Variants in USP20 observed in about 807,000 individuals in gnomAD.
The protein encoded by USP20 is ubiquitin specific peptidase 20, also known as ubiquitin carboxyl-terminal hydrolase 20.
In USP20, 80 loss-of-function variants were observed where a neutral mutation model predicts 124.2. The ratio of observed to expected loss-of-function variants is 0.64; its 90% CI spans 0.54 to 0.78. The LOEUF (loss-of-function observed/expected upper bound fraction) is 0.78. USP20 is among the 30% of genes least tolerant of loss of function. USP20 has a pLI of 0.00. For missense variants in USP20, 1,043 were observed against 1,244.4 expected, an observed-to-expected ratio of 0.84 and a Z score of 2.44; for synonymous variants, 481 against 512.3, an observed-to-expected ratio of 0.94 and a Z score of 0.83.
chr9:129,868,846 C>T lies in USP20; in HGVS notation c.1136-16C>T. 1.9e-6 allele frequency: 3 copies of T among 1,539,138 alleles called. No homozygotes were observed. Among genetic ancestry groups the T allele is most frequent in the South Asian group, 1.2e-5 (1 of 81,140 alleles). ...CTGGCTGCCCTGGCCCAGCATGGTACCCTCTCTGCCCCCAGAGCCGGACAA... is the reference window on the plus strand; with the variant it reads ...CTGGCTGCCCTGGCCCAGCATGGTATCCTCTCTGCCCCCAGAGCCGGACAA... On this transcript the variant is annotated splice_polypyrimidine_tract_variant and intron_variant, in intron 11 of 25. Coordinates refer to ENST00000372429, the MANE Select transcript of USP20 (RefSeq NM_001110303.4).
Position 129,876,123 on chromosome 9 carries a change from G to A in USP20, c.2301-7G>A, listed in dbSNP as rs974239960. The A allele has an allele frequency of 6.2e-7, 1 of 1,611,440 alleles. No individual in the cohort carries two copies. Among genetic ancestry groups the A allele is most frequent in the Non-Finnish European group, 8.5e-7 (1 of 1,179,026 alleles). ...GGCCGTGTCTCTCTCTCCCACCCTG[G>A]GCACAGATTCGGGGGTGGCCCCGCC... On this transcript the variant is annotated splice_region_variant and splice_polypyrimidine_tract_variant and intron_variant, in intron 21 of 25. Coordinates refer to ENST00000372429, the MANE Select transcript of USP20 (RefSeq NM_001110303.4).
At chr9:129,873,560 G>A in intron 16 of USP20, 45 bp downstream of exon 16, 2 of 1,613,994 alleles carry the variant, frequency 1.2e-6, no homozygotes, top group Non-Finnish European at 1.7e-6. Context: ...CCGTTTCTGT[G>A]CCCTACATAT....
intron 19 of USP20, 149 bp from the exon 20 acceptor site, chr9:129,875,160 AG>A: frequency 1.6e-6 from 2 of 1,227,952 alleles, no homozygotes; most frequent in Non-Finnish European, 2.2e-6. Context: ...CTGGCGGCAC[AG>A]GGGGCTGCTC....
rs980920068 is a variant in USP20 at position 129,879,052 on chromosome 9, G to A, written c.2513-521G>A. On this transcript the variant is annotated intron_variant, in intron 23 of 25. Coordinates refer to ENST00000372429, the MANE Select transcript of USP20 (RefSeq NM_001110303.4). The surrounding 1 kb of genome is among the most constrained non-coding windows in gnomAD (Gnocchi z 4.2). ...AGGCCTCATTGCCATCCCGCTAGTC[G>A]GGGAAGGTGCCAGGGCCACCGTGAG... is the stretch of plus-strand genomic sequence containing the variant. Among the ~76,000 whole-genome samples, 1 of 152,318 alleles carries A rather than the reference G, an allele frequency of 6.6e-6. No individual in the cohort carries two copies. The highest frequency in any genetic ancestry group is 2.4e-5 in the African/African-American group (1 of 41,580).
chr9:129,879,665 G>C lies in USP20; in HGVS notation c.2584+21G>C, dbSNP rs1425600457. 6.2e-7 allele frequency: 1 copy of C among 1,613,488 alleles called. No homozygotes were observed. Among genetic ancestry groups the C allele is most frequent in the African/African-American group, 1.3e-5 (1 of 74,918 alleles). ...GCAGGGTGAGTTCCCCCTGGGGTCA[G>C]CCAGGCTCCTCTCTGCCCTTCCTGG... On this transcript the variant is annotated intron_variant, in intron 24 of 25. Transcript: ENST00000372429. This position sits in a 1 kb window ranked among gnomAD's most constrained non-coding sequence, Gnocchi z 4.2.
At position 129,868,432 on chromosome 9, in the gene USP20, G is replaced by C. The variant is rs2131083658; in HGVS notation, c.1118G>C (p.Ser373Thr). The change falls in exon 11 of 26, where the codon AGC (serine) becomes ACC (threonine). Residue 373 changes from serine to threonine, a missense_variant. Ser to Thr is a moderately conservative substitution (Grantham distance 58). Transcript: ENST00000372429. The part of the protein sequence containing the change: ...EAQPPSPRSS[S>T]PCRTPEPDND... Reference sequence around the variant, plus strand: ...CAGCCCCCGTCACCACGGTCCTCCAGCCCCTGCCGGACGCCAGGTATCAGC... The same window carrying C: ...CAGCCCCCGTCACCACGGTCCTCCACCCCCTGCCGGACGCCAGGTATCAGC... The C allele has an allele frequency of 6.2e-7, 1 of 1,610,686 alleles. No individual in the cohort carries two copies. The highest frequency in any genetic ancestry group is 2.2e-5 in the East Asian group (1 of 44,808).
chr9:129,837,821 A>G (rs1249033302), intron 1 of USP20, among the ~76,000 whole-genome samples: 1 of 152,202 alleles, frequency 6.6e-6, no homozygotes, highest in Non-Finnish European at 1.5e-5. Context: ...GGTTCCAGTC[A>G]CTGCCTGGTG....
Position 129,869,386 on chromosome 9 carries a change from C to G in USP20, c.1353C>G (p.Gly451=). Residue 451 remains glycine (G), a synonymous_variant, in exon 13 of 26, where the codon GGC becomes GGG. Coordinates refer to ENST00000372429, the MANE Select transcript of USP20 (RefSeq NM_001110303.4). ...GCGTCATCTCAGACATCTTTGACGGCTCCATTCTCAGCCTTGTGCAGTGTC... is the reference window on the plus strand; with the variant it reads ...GCGTCATCTCAGACATCTTTGACGGGTCCATTCTCAGCCTTGTGCAGTGTC... ...YRSVISDIFD[G]SILSLVQCLT... 1 of 1,613,724 alleles carries G rather than the reference C, an allele frequency of 6.2e-7. No individual in the cohort carries two copies.
At chr9:129,868,512 T>TGAGCGCCGACCTGCAGTA in intron 11 of USP20, 63 bp downstream of exon 11, 1 of 1,531,630 alleles carries the variant, frequency 6.5e-7, no homozygotes, top group East Asian at 2.3e-5. Flanking sequence ...TACCGGGTGC[T>TGAGCGCCGACCTGCAGTA]GAGCGCCGAC....
chr9:129,848,289 T>TC (rs1456589825), intron 1 of USP20, among the ~76,000 whole-genome samples: 2 of 150,742 alleles, frequency 1.3e-5, no homozygotes, highest in Admixed American at 1.3e-4. Context: ...AGAGCGAAAC[T>TC]CCATCTCAAG....
chr9:129,876,101 C>T (rs1387944217), intron 21 of USP20, 29 bp from the exon 22 acceptor site: 21 of 1,586,528 alleles, frequency 1.3e-5, no homozygotes, highest in East Asian at 6.9e-5. Flanking sequence ...CCGCTCAGGC[C>T]GTGTCTCTCT....
intron 1 of USP20, among the ~76,000 whole-genome samples, chr9:129,838,757 G>C (rs528277695): frequency 6.6e-6 from 1 of 152,254 alleles, no homozygotes; most frequent in African/African-American, 2.4e-5. Context: ...TCTGAGCTTC[G>C]AGACTGAGTT....
intron 15 of USP20, among the ~76,000 whole-genome samples, chr9:129,871,164 G>A (rs1285475648): frequency 1.3e-5 from 2 of 151,994 alleles, no homozygotes; most frequent in Non-Finnish European, 2.9e-5. Flanking sequence ...CTCAGTATCC[G>A]TGAAACAGCT....
rs541164941 is a variant in USP20, at chr9:129,854,607, C to T, written c.82-1700C>T. ...ATAGATGTCATCTGAATTGTTATAG[C>T]AAGCATTCGATACTTTTATAAATCA... is the stretch of plus-strand genomic sequence containing the variant. On this transcript the variant is annotated intron_variant, in intron 3 of 25. Coordinates refer to ENST00000372429, the MANE Select transcript of USP20 (RefSeq NM_001110303.4). Among the ~76,000 whole-genome samples the T allele has an allele frequency of 2.2e-3, 326 of 151,618 alleles. 2 individuals are homozygous for T. Among genetic ancestry groups the T allele is most frequent in the African/African-American group, 7.6e-3 (314 of 41,322 alleles).
intron 1 of USP20, among the ~76,000 whole-genome samples, chr9:129,841,558 A>G (rs931290032): frequency 2.0e-5 from 3 of 152,140 alleles, no homozygotes; most frequent in African/African-American, 4.8e-5. Context: ...ATCCCCCCAC[A>G]TTGACCCACA....
intron 1 of USP20, among the ~76,000 whole-genome samples, chr9:129,844,697 C>T (rs972694496): frequency 4.7e-5 from 7 of 149,412 alleles, no homozygotes; most frequent in African/African-American, 1.7e-4. Flanking sequence ...AAAAAGGTAA[C>T]CATATTTTTT....
rs770807936 is a variant in USP20 at position 129,875,592 on chromosome 9, G to A, written c.2251G>A (p.Asp751Asn). Residue 751 changes from aspartate to asparagine, a missense_variant, in exon 21 of 26, where the codon GAC becomes AAC. Asp to Asn is a conservative substitution (Grantham distance 23). Coordinates refer to ENST00000372429, the MANE Select transcript of USP20 (RefSeq NM_001110303.4). The part of the protein sequence containing the change: ...IPPHKYHYID[D>N]LVVILPQNVW... ...GCCCCACAAATACCACTACATCGAC[G>A]ACCTGGTGGTCATCCTGCCCCAGAA... 10 of 1,613,990 alleles carry A rather than the reference G, an allele frequency of 6.2e-6. No individual in the cohort carries two copies. Among genetic ancestry groups the A allele is most frequent in the South Asian group, 1.1e-5 (1 of 91,056 alleles).
chr9:129,840,193 C>A (rs1322076281), intron 1 of USP20, among the ~76,000 whole-genome samples: 1 of 152,228 alleles, frequency 6.6e-6, no homozygotes, highest in East Asian at 1.9e-4. Flanking sequence ...GTGTCTTTCC[C>A]TTTTGGCCTT....
At chr9:129,864,773 CAAA>C (rs34547264) in intron 9 of USP20, among the ~76,000 whole-genome samples, 22 of 85,702 alleles carry the variant, frequency 2.6e-4, no homozygotes, top group South Asian at 3.7e-4. Context: ...GACTCTGTCC[CAAA>C]AAAAAAAAAA....
Sources: allele counts gnomAD v4.1 joint callset (sites outside exome capture counted in the v4.1 genomes callset), GRCh38; gene constraint gnomAD v4.1.1; non-coding constraint Gnocchi (gnomAD v3.1); transcripts MANE v1.5; gene names NCBI Gene and HGNC (gene_info 2026-07-23, HGNC 2026-07-21).